CTNND2: variants seen among roughly 807,000 people sequenced by gnomAD.
CTNND2 encodes catenin delta-2.
CTNND2 carries 22 observed loss-of-function variants against 144.4 expected under a neutral mutation model. The observed-to-expected ratio is 0.15, with a 90% CI of 0.11 to 0.22. CTNND2 has a LOEUF of 0.22. CTNND2 is among the 10% of genes least tolerant of loss of function. The pLI, the probability that CTNND2 is intolerant of heterozygous loss-of-function variation, is 1.00. For synonymous variants in CTNND2, 751 were observed against 695.6 expected, an observed-to-expected ratio of 1.08 and a Z score of -1.25; for missense variants, 1,353 against 1,618.8, an observed-to-expected ratio of 0.84 and a Z score of 2.82.
intron 12 of CTNND2, among the ~76,000 whole-genome samples, chr5:11,154,131 G>A (rs933320219): frequency 1.3e-5 from 2 of 152,152 alleles, no homozygotes; most frequent in Non-Finnish European, 2.9e-5. Context: ...TGCTAGAGTC[G>A]ACATCCTTAA....
chr5:11,782,704 C>G (rs1166939988), intron 1 of CTNND2, among the ~76,000 whole-genome samples: 8 of 152,174 alleles, frequency 5.3e-5, no homozygotes, highest in Admixed American at 1.3e-4. Context: ...TTTGAACTGT[C>G]TGGGTTCACT....
intron 2 of CTNND2, among the ~76,000 whole-genome samples, chr5:11,569,769 T>A (rs147867629): frequency 6.6e-6 from 1 of 152,272 alleles, no homozygotes; most frequent in East Asian, 1.9e-4. Context: ...AATGCCTGTG[T>A]CTCCATCCCC....
intron 2 of CTNND2, among the ~76,000 whole-genome samples, chr5:11,580,151 CCTT>C (rs1484867821): frequency 1.3e-5 from 2 of 152,020 alleles, no homozygotes; most frequent in Non-Finnish European, 2.9e-5. Flanking sequence ...GCAATGTCCT[CCTT>C]CTTTTCCCAC....
At chr5:11,012,229 A>G (rs2149525681) in intron 18 of CTNND2, among the ~76,000 whole-genome samples, 1 of 152,122 alleles carries the variant, frequency 6.6e-6, no homozygotes, top group East Asian at 1.9e-4. Flanking sequence ...GGATGGGAAA[A>G]CCAAGGGAGG....
chr5:11,886,745 G>A (rs1329129955), intron 1 of CTNND2, among the ~76,000 whole-genome samples: 1 of 152,124 alleles, frequency 6.6e-6, no homozygotes, highest in African/African-American at 2.4e-5. Flanking sequence ...CAGATTATCA[G>A]TAAGATGATT....
chr5:11,143,894 G>A (rs1312139280), intron 12 of CTNND2, among the ~76,000 whole-genome samples: 2 of 151,846 alleles, frequency 1.3e-5, no homozygotes, highest in African/African-American at 4.8e-5. Flanking sequence ...TTCCATAGGG[G>A]CAGTCGCCAG....
At chr5:11,336,968 A>T (rs1490578250) in intron 9 of CTNND2, among the ~76,000 whole-genome samples, 1 of 152,046 alleles carries the variant, frequency 6.6e-6, no homozygotes, top group African/African-American at 2.4e-5. Flanking sequence ...TGTCACCTGA[A>T]TTTTTTTGGT....
chr5:11,094,905 T>A (rs1165574311), intron 15 of CTNND2, among the ~76,000 whole-genome samples: 1 of 152,198 alleles, frequency 6.6e-6, no homozygotes, highest in African/African-American at 2.4e-5. Context: ...TTTCCTATTA[T>A]TCTCTACTCG....
chr5:11,531,076 G>C (rs1366050200), intron 3 of CTNND2, among the ~76,000 whole-genome samples: 1 of 152,226 alleles, frequency 6.6e-6, no homozygotes, highest in Non-Finnish European at 1.5e-5. Context: ...AAGAGATGAA[G>C]TAATGGAAAA....
chr5:11,110,050 C>T (rs540887789), intron 14 of CTNND2, among the ~76,000 whole-genome samples: 5 of 152,224 alleles, frequency 3.3e-5, no homozygotes, highest in African/African-American at 9.6e-5. Flanking sequence ...TGAAGTTAAC[C>T]GCTGTTCCAG....
intron 9 of CTNND2, among the ~76,000 whole-genome samples, chr5:11,331,979 T>C (rs2149716923): frequency 6.6e-6 from 1 of 152,208 alleles, no homozygotes; most frequent in Admixed American, 6.5e-5. Flanking sequence ...AGTACCCTGA[T>C]TTAAGAATAA....
intron 1 of CTNND2, among the ~76,000 whole-genome samples, chr5:11,775,216 G>C (rs1790184873): frequency 6.6e-6 from 1 of 152,142 alleles, no homozygotes; most frequent in Non-Finnish European, 1.5e-5. Flanking sequence ...ACAAAAGAGT[G>C]AAAGACATTT....
chr5:11,311,025 T>TCA (rs1750764436), intron 9 of CTNND2, among the ~76,000 whole-genome samples: 2 of 93,240 alleles, frequency 2.1e-5, no homozygotes, highest in African/African-American at 8.5e-5. Context: ...CACAATACAC[T>TCA]CACACACACA....
At chr5:11,299,345 C>T (rs969300380) in intron 9 of CTNND2, among the ~76,000 whole-genome samples, 3 of 152,100 alleles carry the variant, frequency 2.0e-5, no homozygotes, top group African/African-American at 4.8e-5. Context: ...GCTGAGACCT[C>T]GTTACTGCCA....
At chr5:11,629,259 A>AAAC (rs36078228) in intron 2 of CTNND2, among the ~76,000 whole-genome samples, 171 of 151,908 alleles carry the variant, frequency 1.1e-3, no homozygotes, top group Admixed American at 1.6e-3. Context: ...CGGAAAAGTT[A>AAAC]AACAACAACA....
At chr5:11,423,339 G>A (rs1437429292) in intron 3 of CTNND2, among the ~76,000 whole-genome samples, 1 of 152,206 alleles carries the variant, frequency 6.6e-6, no homozygotes, top group Non-Finnish European at 1.5e-5. Flanking sequence ...TGAGAGTGAA[G>A]AGAGAGCTCA....
At chr5:11,218,683 C>G (rs1012611825) in intron 10 of CTNND2, among the ~76,000 whole-genome samples, 6 of 152,210 alleles carry the variant, frequency 3.9e-5, no homozygotes, top group African/African-American at 1.4e-4. Flanking sequence ...TGGAGCACCA[C>G]TTTATTTAGA....
At chr5:11,466,824 G>C (rs988623905) in intron 3 of CTNND2, among the ~76,000 whole-genome samples, 2 of 152,048 alleles carry the variant, frequency 1.3e-5, no homozygotes, top group African/African-American at 4.8e-5. Flanking sequence ...AGTTCCTTTT[G>C]ACAAACTCAT....
chr5:11,559,791 T>A (rs79973616), intron 3 of CTNND2, among the ~76,000 whole-genome samples: 5,017 of 152,256 alleles, frequency 0.033, 294 homozygotes, highest in African/African-American at 0.11. Flanking sequence ...ACAGTCCACA[T>A]CCTCACTGCT....
Sources: gnomAD v4.1 joint callset for allele counts (sites outside exome capture counted in the v4.1 genomes callset) on GRCh38, gnomAD v4.1.1 for gene constraint, MANE v1.5 for transcripts, NCBI Gene and HGNC (gene_info 2026-07-23, HGNC 2026-07-21) for gene names.